HACD3: variants seen among roughly 807,000 people sequenced by gnomAD.
The protein encoded by HACD3 is 3-hydroxyacyl-CoA dehydratase 3.
Under a neutral mutation model 55.2 loss-of-function variants are expected in HACD3, and 30 were observed. That is an observed-to-expected ratio of 0.54 (90% CI 0.41 to 0.74). The LOEUF (loss-of-function observed/expected upper bound fraction) is 0.74. Among genes scored for constraint, HACD3 ranks in the 30% least tolerant of loss-of-function variants. The probability of loss-of-function intolerance (pLI) is 0.00; values close to 1 mark genes in which losing one functional copy is unlikely to be tolerated. For missense variants in HACD3, 363 were observed against 440.1 expected (o/e 0.82, Z 1.57); for synonymous variants, 141 against 151.7 (o/e 0.93, Z 0.52).
In HACD3 at chr15:65,558,731, A is replaced by G. The variant is rs768900983; in HGVS notation, c.421A>G (p.Thr141Ala). The stretch of plus-strand genomic sequence containing the variant: ...ACTGGAAAGCGAAGGCTCTCCTGAA[A>G]GTAAGTTGTGCTGCTGCCATGGTAG... ...LRLESEGSPE[T>A]LTNLRKGYLF... The change falls in exon 5 of 11, where the codon ACT (threonine) becomes GCT (alanine). Residue 141 changes from threonine to alanine, a missense_variant and splice_region_variant. Physicochemically the swap from Thr to Ala is moderately conservative, Grantham distance 58. Coordinates refer to ENST00000261875, the MANE Select transcript of HACD3 (RefSeq NM_016395.4). The G allele has an allele frequency of 1.9e-6, 3 of 1,600,520 alleles. No individual in the cohort carries two copies. In the African/African-American group the frequency reaches 4.0e-5, roughly 21 times the overall value.
At chr15:65,559,064 C>T (rs1207660460) in intron 5 of HACD3, among the ~76,000 whole-genome samples, 1 of 152,232 alleles carries the variant, frequency 6.6e-6, no homozygotes, top group Admixed American at 6.5e-5. Context: ...CAAGGCTACA[C>T]TCCTTCAGCC....
intron 2 of HACD3, among the ~76,000 whole-genome samples, chr15:65,554,536 G>A (rs2072168175): frequency 6.6e-6 from 1 of 152,180 alleles, no homozygotes; most frequent in Non-Finnish European, 1.5e-5. Context: ...AGCACTTTGG[G>A]AGGCTGAGGC....
At chr15:65,561,632 C>T (rs1327494726) in intron 5 of HACD3, among the ~76,000 whole-genome samples, 1 of 152,122 alleles carries the variant, frequency 6.6e-6, no homozygotes, top group Non-Finnish European at 1.5e-5. Flanking sequence ...CAACAATCAA[C>T]ACAGAAGACT....
At position 65,576,507 on chromosome 15, in the gene HACD3, TTTCCCCAGTAACA is replaced by T; in HGVS notation, c.*133_*145del. 1.0e-6 allele frequency: 1 copy of T among 984,420 alleles called. No individual in the cohort carries two copies. The highest frequency in any genetic ancestry group is 1.5e-6 in the Non-Finnish European group (1 of 680,956). The allele number at this position is 984,420 out of a possible 1,614,324, so 61.0% of individuals were successfully genotyped here. A position where few individuals can be genotyped will look rare whatever the true frequency, so the allele number is the denominator to read the frequency against. ...AAATTCTCAGTGAGGCTATCTTCCT[TTTCCCCAGTAACA>T]TTCCTGAATTTACTGTTATCTTATT... On this transcript the variant is annotated 3_prime_UTR_variant, in exon 11 of 11. Coordinates refer to ENST00000261875, the MANE Select transcript of HACD3 (RefSeq NM_016395.4).
chr15:65,550,080 C>G (rs959116133), intron 1 of HACD3, among the ~76,000 whole-genome samples: 1 of 152,148 alleles, frequency 6.6e-6, no homozygotes, highest in African/African-American at 2.4e-5. Context: ...CAGGAAGATA[C>G]AACAATATTA....
Position 65,558,710 on chromosome 15 carries a change from G to C in HACD3, c.400G>C (p.Glu134Gln). 6 of 1,601,796 alleles carry C rather than the reference G, an allele frequency of 3.7e-6. No homozygotes were observed. The highest frequency in any genetic ancestry group is 5.1e-6 in the Non-Finnish European group (6 of 1,173,996). ...EEERLNKLRL[E>Q]SEGSPETLTN... ...AGAGCGCCTAAATAAACTCCGACTG[G>C]AAAGCGAAGGCTCTCCTGAAAGTAA... The change falls in exon 5 of 11, where the codon GAA becomes CAA. Residue 134 changes from glutamate (E) to glutamine (Q), a missense_variant. Transcript: ENST00000261875.
chr15:65,552,411 C>T (rs911780497), intron 2 of HACD3, among the ~76,000 whole-genome samples: 7 of 152,220 alleles, frequency 4.6e-5, no homozygotes, highest in Non-Finnish European at 7.3e-5. Context: ...TTTCGGCTCA[C>T]TGCAACCTCC....
In HACD3 at chr15:65,571,598, C is replaced by T; in HGVS notation, c.824C>T (p.Thr275Ile). 4 of 1,613,930 alleles carry T rather than the reference C, an allele frequency of 2.5e-6. No individual in the cohort carries two copies. Among genetic ancestry groups the T allele is most frequent in the Non-Finnish European group, 3.4e-6 (4 of 1,179,804 alleles). The part of the protein sequence containing the change: ...TCIDMDWKVL[T>I]WLRYTLWIPL... ...ATTGACATGGATTGGAAGGTGCTCA[C>T]ATGGCTTCGTTACACTCTGTGGATT... The change falls in exon 9 of 11, where the codon ACA becomes ATA. Residue 275 changes from threonine (T) to isoleucine (I), a missense_variant. By Grantham distance (89) the Thr-to-Ile change is moderately conservative. Coordinates refer to ENST00000261875, the MANE Select transcript of HACD3 (RefSeq NM_016395.4).
At chr15:65,555,287 T>C (rs1453277619) in intron 3 of HACD3, among the ~76,000 whole-genome samples, 1 of 152,212 alleles carries the variant, frequency 6.6e-6, no homozygotes, top group Non-Finnish European at 1.5e-5. Context: ...GTTTTAGTGA[T>C]GGCAGAGGAA....
chr15:65,537,764 G>A (rs2071968955), intron 1 of HACD3, among the ~76,000 whole-genome samples: 1 of 115,466 alleles, frequency 8.7e-6, no homozygotes, highest in Non-Finnish European at 1.6e-5. Flanking sequence ...CTGCACTCCA[G>A]CCTGGGCAAT....
intron 7 of HACD3, 148 bp downstream of exon 7, chr15:65,564,490 A>G: frequency 9.8e-7 from 1 of 1,018,862 alleles, no homozygotes. Flanking sequence ...TTGGACTTAC[A>G]GTTCCATGTG....
intron 1 of HACD3, chr15:65,531,322 C>G (rs887530011): frequency 6.6e-6 from 1 of 152,288 alleles, no homozygotes; most frequent in African/African-American, 2.4e-5. Context: ...TGATTTCCCC[C>G]TCTGTTCTGA....
Position 65,555,020 on chromosome 15 carries a change from G to A in HACD3, c.204+60G>A, listed in dbSNP as rs143496975. On this transcript the variant is annotated intron_variant, in intron 3 of 10. Transcript: ENST00000261875. The stretch of plus-strand genomic sequence containing the variant: ...TTAGGAAATGAATACCAGTAGTTTA[G>A]TGAAATGGGGAGCAGGGTTTGTGGA... 90 of 1,281,944 alleles carry A rather than the reference G, an allele frequency of 7.0e-5. No individual in the cohort carries two copies. In the African/African-American group the frequency reaches 1.2e-3, roughly 18 times the overall value. The allele number at this position is 1,281,944 out of a possible 1,614,324, so 79.4% of individuals were successfully genotyped here.
In HACD3 at chr15:65,544,272, G is replaced by A. The variant is rs967514507; in HGVS notation, c.88-7404G>A. ...GAGGGTACAGGCTGGTGGTGTTTGC[G>A]AAGGCATCATGAGGGATCTAGAGCT... is the stretch of plus-strand genomic sequence containing the variant. On this transcript the variant is annotated intron_variant, in intron 1 of 10. Coordinates refer to ENST00000261875, the MANE Select transcript of HACD3 (RefSeq NM_016395.4). Among the ~76,000 whole-genome samples the A allele has an allele frequency of 3.9e-5, 6 of 152,336 alleles. No individual in the cohort carries two copies. The East Asian group carries it at 5.8e-4, about 15-fold the overall frequency.
At chr15:65,572,492 GCAAAAACAGACCCACTA>G (rs2072357729) in intron 10 of HACD3, 126 bp downstream of exon 10, 1 of 1,140,234 alleles carries the variant, frequency 8.8e-7, no homozygotes, top group Non-Finnish European at 1.2e-6. Context: ...TGATTACTTT[GCAAAAACAGACCCACTA>G]GGGGAATATG....
chr15:65,564,664 A>G (rs2072274977), intron 7 of HACD3: 2 of 204,580 alleles, frequency 9.8e-6, no homozygotes, highest in East Asian at 1.5e-4. Context: ...GACCGGCCGC[A>G]CTGATTCATT....
At chr15:65,571,325 C>T (rs543247134) in intron 8 of HACD3, among the ~76,000 whole-genome samples, 3 of 152,154 alleles carry the variant, frequency 2.0e-5, no homozygotes, top group African/African-American at 7.2e-5. Context: ...AAGAGGGTTC[C>T]TTTGAGACCT....
chr15:65,535,929 A>G (rs936285957), intron 1 of HACD3: 14 of 437,768 alleles, frequency 3.2e-5, no homozygotes, highest in South Asian at 5.3e-5. Context: ...GACTTAAGCA[A>G]TCCTCTTGCC....
In HACD3 at chr15:65,562,883, A is replaced by G; in HGVS notation, c.531A>G (p.Lys177=). 6.2e-7 allele frequency: 1 copy of G among 1,613,790 alleles called. No individual in the cohort carries two copies. Among genetic ancestry groups the G allele is most frequent in the Non-Finnish European group, 8.5e-7 (1 of 1,179,820 alleles). Residue 177 remains lysine, a splice_region_variant and synonymous_variant, in exon 6 of 11, where the codon AAA becomes AAG. Coordinates refer to ENST00000261875, the MANE Select transcript of HACD3 (RefSeq NM_016395.4). The part of the protein sequence containing the change: ...NLTVRFCILG[K]ESFYDTFHTV... Reference sequence around the variant, plus strand: ...CTGTGCGATTCTGTATCTTGGGAAAAGGCAAGTAAGACATTTTTGGATTAA... The same window carrying G: ...CTGTGCGATTCTGTATCTTGGGAAAGGGCAAGTAAGACATTTTTGGATTAA...
Sources: allele counts gnomAD v4.1 joint callset (sites outside exome capture counted in the v4.1 genomes callset), GRCh38; gene constraint gnomAD v4.1.1; transcripts MANE v1.5; gene names NCBI Gene and HGNC (gene_info 2026-07-23, HGNC 2026-07-21).